The following SLC27A2 variants were observed in gnomAD, a reference collection of about 807,000 sequenced individuals.
The protein encoded by SLC27A2 is solute carrier family 27 member 2.
A neutral mutation model predicts 60.0 loss-of-function variants in SLC27A2; 54 were observed. That is an observed-to-expected ratio of 0.90 (90% CI 0.72 to 1.13). The LOEUF (loss-of-function observed/expected upper bound fraction) is 1.13. Ranked by LOEUF, SLC27A2 falls within the 50% of genes most tolerant of loss-of-function variation. SLC27A2 has a pLI of 0.00. For missense variants in SLC27A2, 739 were observed against 777.6 expected, an observed-to-expected ratio of 0.95 and a Z score of 0.59; for synonymous variants, 297 against 297.6, an observed-to-expected ratio of 1.00 and a Z score of 0.02.
chr15:50,201,226 C>T (rs1010816343), intron 2 of SLC27A2, among the ~76,000 whole-genome samples: 14 of 152,176 alleles, frequency 9.2e-5, no homozygotes, highest in Admixed American at 8.5e-4. Context: ...TCAAGCGATC[C>T]TCCTGCCTCA....
chr15:50,202,740 A>G, intron 3 of SLC27A2, 95 bp downstream of exon 3: 1 of 1,285,336 alleles, frequency 7.8e-7, no homozygotes, highest in Non-Finnish European at 1.1e-6. Context: ...GCTGTCTGCT[A>G]GGAACAGTTT....
At chr15:50,207,963 A>G (rs2045126271) in intron 4 of SLC27A2, among the ~76,000 whole-genome samples, 1 of 151,968 alleles carries the variant, frequency 6.6e-6, no homozygotes, top group East Asian at 1.9e-4. Context: ...AAAAAAAAAA[A>G]AAGAATTGGA....
At chr15:50,190,569 G>C (rs542462237) in intron 1 of SLC27A2, among the ~76,000 whole-genome samples, 1 of 151,068 alleles carries the variant, frequency 6.6e-6, no homozygotes, top group South Asian at 2.1e-4. Context: ...CAATCTCTCT[G>C]CCTTCTAGCA....
In SLC27A2 at chr15:50,182,894, T is replaced by A; in HGVS notation, c.467T>A (p.Leu156Gln). ...CAGTGCTGCGGGGCGAAGGTGCTGC[T>A]GGTGTCGCCAGGTGAGCCCCGAGGA... Reference protein sequence around the residue: ...CFQCCGAKVLLVSPELQAAVE... With the variant: ...CFQCCGAKVLQVSPELQAAVE... The change falls in exon 1 of 10, where the codon CTG (leucine) becomes CAG (glutamine). Residue 156 changes from leucine to glutamine, a missense_variant. By Grantham distance (113) the Leu-to-Gln change is moderately radical (BLOSUM62 -2). Coordinates refer to ENST00000267842, the MANE Select transcript of SLC27A2 (RefSeq NM_003645.4). 2 of 1,607,452 alleles carry A rather than the reference T, an allele frequency of 1.2e-6. No homozygotes were observed. Among genetic ancestry groups the A allele is most frequent in the Non-Finnish European group, 1.7e-6 (2 of 1,177,314 alleles).
intron 3 of SLC27A2, among the ~76,000 whole-genome samples, chr15:50,204,603 C>T (rs143295973): frequency 1.3e-4 from 19 of 151,398 alleles, no homozygotes; most frequent in African/African-American, 4.4e-4. Context: ...TGTGGTGGCA[C>T]GCGCCTGTAA....
rs2044984800 is a variant in SLC27A2, at chr15:50,192,799, A to AAG, written c.479-4700_479-4699insGA. Among the ~76,000 whole-genome samples the AAG allele has an allele frequency of 2.0e-5, 3 of 151,602 alleles. No individual in the cohort carries two copies. The East Asian group carries it at 5.8e-4, about 29-fold the overall frequency. ...AGTACATTTTTCTTAAAAAAAAAAAAAAGAAGAAGAAGTACAGAAAAACTT... is the reference window on the plus strand; with the variant it reads ...AGTACATTTTTCTTAAAAAAAAAAAAAGAAGAAGAAGAAGTACAGAAAAACTT... On this transcript the variant is annotated intron_variant, in intron 1 of 9. Transcript: ENST00000267842.
intron 1 of SLC27A2, chr15:50,191,118 C>A (rs913683449): frequency 2.6e-5 from 4 of 152,200 alleles, no homozygotes; most frequent in Non-Finnish European, 5.9e-5. Flanking sequence ...AGCCTCTTCT[C>A]ATTTGTAGAA....
At chr15:50,186,208 C>T (rs1334207762) in intron 1 of SLC27A2, among the ~76,000 whole-genome samples, 2 of 152,118 alleles carry the variant, frequency 1.3e-5, no homozygotes, top group Non-Finnish European at 2.9e-5. Context: ...TGTGCCACTA[C>T]ACTCCGGCCT....
At chr15:50,199,746 T>G (rs2045050485) in intron 2 of SLC27A2, among the ~76,000 whole-genome samples, 1 of 151,852 alleles carries the variant, frequency 6.6e-6, no homozygotes, top group Non-Finnish European at 1.5e-5. Flanking sequence ...CTGGGCAACA[T>G]AGCGAGACCA....
chr15:50,220,014 G>A (rs1387731244), intron 4 of SLC27A2, among the ~76,000 whole-genome samples: 2 of 152,200 alleles, frequency 1.3e-5, no homozygotes, highest in Non-Finnish European at 2.9e-5. Context: ...TCAGCCACTG[G>A]TGAGCAAAAG....
At chr15:50,186,546 T>C (rs1009331457) in intron 1 of SLC27A2, among the ~76,000 whole-genome samples, 3 of 152,190 alleles carry the variant, frequency 2.0e-5, no homozygotes, top group Non-Finnish European at 4.4e-5. Flanking sequence ...CAAGCCATTC[T>C]CCTACCTCAG....
chr15:50,202,592 C>A lies in SLC27A2; in HGVS notation c.794C>A (p.Pro265His), dbSNP rs2045073713. The A allele has an allele frequency of 1.9e-6, 3 of 1,614,104 alleles. No homozygotes were observed. The highest frequency in any genetic ancestry group is 2.5e-6 in the Non-Finnish European group (3 of 1,180,010). The change falls in exon 3 of 10, where the codon CCC becomes CAC. Residue 265 changes from proline to histidine, a missense_variant. By Grantham distance (77) the Pro-to-His change is moderately conservative. Coordinates refer to ENST00000267842, the MANE Select transcript of SLC27A2 (RefSeq NM_003645.4). Reference protein sequence around the residue: ...KADDVIYITLPFYHSAALLIG... With the variant: ...KADDVIYITLHFYHSAALLIG... ...GATGATGTCATCTATATCACTCTGC[C>A]CTTTTACCACAGTGCTGCACTACTG...
At chr15:50,189,466 G>T (rs1425842362) in intron 1 of SLC27A2, among the ~76,000 whole-genome samples, 1 of 152,156 alleles carries the variant, frequency 6.6e-6, no homozygotes, top group East Asian at 1.9e-4. Context: ...CAAGGGCTGG[G>T]ATTCCCAGCC....
chr15:50,217,142 C>T (rs1355017244), intron 4 of SLC27A2, among the ~76,000 whole-genome samples: 1 of 151,966 alleles, frequency 6.6e-6, no homozygotes, highest in East Asian at 1.9e-4. Context: ...AAATATGGTG[C>T]AGTGTATACT....
At chr15:50,183,168 T>C (rs1428445009) in intron 1 of SLC27A2, among the ~76,000 whole-genome samples, 12 of 152,248 alleles carry the variant, frequency 7.9e-5, no homozygotes, top group African/African-American at 2.4e-4. Flanking sequence ...GGCTTTGTTA[T>C]AGGACTTTTA....
chr15:50,197,768 C>A lies in SLC27A2; in HGVS notation c.688+59C>A. 3.1e-6 allele frequency: 4 copies of A among 1,281,474 alleles called. No individual in the cohort carries two copies. In the Admixed American group the frequency reaches 7.0e-5, roughly 22 times the overall value. The allele number at this position is 1,281,474 out of a possible 1,614,324, so 79.4% of individuals were successfully genotyped here. Reference sequence around the variant, plus strand: ...AATCTGAAGGAGTTAAATGTTGACACAGGTTTTCAAATCTCTTTCTTTGGC... The same window carrying A: ...AATCTGAAGGAGTTAAATGTTGACAAAGGTTTTCAAATCTCTTTCTTTGGC... On this transcript the variant is annotated intron_variant, in intron 2 of 9. Transcript: ENST00000267842.
intron 5 of SLC27A2, among the ~76,000 whole-genome samples, chr15:50,224,756 A>C (rs1268651230): frequency 6.6e-6 from 1 of 152,226 alleles, no homozygotes; most frequent in Non-Finnish European, 1.5e-5. Flanking sequence ...CACACTAGCC[A>C]CATTTCCAGT....
chr15:50,216,621 T>C (rs1026204157), intron 4 of SLC27A2, among the ~76,000 whole-genome samples: 1 of 41,938 alleles, frequency 2.4e-5, no homozygotes, highest in Non-Finnish European at 5.6e-5. Context: ...TATATATATA[T>C]ATATATATAT....
chr15:50,219,078 G>A (rs116555078), intron 4 of SLC27A2, among the ~76,000 whole-genome samples: 160 of 152,294 alleles, frequency 1.1e-3, no homozygotes, highest in African/African-American at 3.6e-3. Flanking sequence ...GTTGTATTAT[G>A]GGCAGAATAA....
Sources: gnomAD v4.1 joint callset for allele counts (sites outside exome capture counted in the v4.1 genomes callset) on GRCh38, gnomAD v4.1.1 for gene constraint, MANE v1.5 for transcripts, NCBI Gene and HGNC (gene_info 2026-07-23, HGNC 2026-07-21) for gene names.